Variants in COL14A1 observed in about 807,000 individuals in gnomAD.
COL14A1 encodes collagen type XIV alpha 1 chain.
Under a neutral mutation model 230.3 loss-of-function variants are expected in COL14A1, and 136 were observed. The ratio of observed to expected loss-of-function variants is 0.59; its 90% CI spans 0.51 to 0.68. The LOEUF (loss-of-function observed/expected upper bound fraction) is 0.68, where lower values mean the gene tolerates loss of function less well. Among genes scored for constraint, COL14A1 ranks in the 30% least tolerant of loss-of-function variants. The pLI is 0.00. For missense variants in COL14A1, 1,976 were observed against 2,215.8 expected (o/e 0.89, Z 2.17); for synonymous variants, 792 against 784.1 (o/e 1.01, Z -0.17).
At chr8:120,342,481 T>C (rs1440118793) in intron 44 of COL14A1, 35 bp downstream of exon 44, 4 of 1,590,242 alleles carry the variant, frequency 2.5e-6, no homozygotes, top group East Asian at 2.2e-5. Flanking sequence ...ATGTTCCCCA[T>C]AACAAACTCT....
chr8:120,283,083 A>G (rs1820088610), intron 31 of COL14A1, among the ~76,000 whole-genome samples: 1 of 152,052 alleles, frequency 6.6e-6, no homozygotes, highest in Admixed American at 6.5e-5. Flanking sequence ...AGCCAAGACA[A>G]TTTCTGAAGG....
chr8:120,360,929 G>C (rs1201970608), intron 45 of COL14A1, among the ~76,000 whole-genome samples: 1 of 152,078 alleles, frequency 6.6e-6, no homozygotes, highest in East Asian at 1.9e-4. Context: ...ACAAAGAAGG[G>C]CAAACCCCAC....
chr8:120,291,219 G>T (rs1820364535), intron 34 of COL14A1, among the ~76,000 whole-genome samples: 1 of 152,018 alleles, frequency 6.6e-6, no homozygotes, highest in South Asian at 2.1e-4. Context: ...TGGATAAATG[G>T]ATATATAGAT....
intron 5 of COL14A1, among the ~76,000 whole-genome samples, chr8:120,189,606 G>C (rs1816752218): frequency 1.3e-5 from 2 of 150,814 alleles, no homozygotes; most frequent in African/African-American, 4.9e-5. Flanking sequence ...CTAGCATTAG[G>C]TATATCTCCT....
intron 12 of COL14A1, among the ~76,000 whole-genome samples, chr8:120,211,440 G>A (rs533492880): frequency 7.5e-4 from 114 of 152,218 alleles, no homozygotes; most frequent in African/African-American, 2.6e-3. Context: ...AAACATACAG[G>A]ATCATATATT....
chr8:120,155,166 G>A (rs568095619), intron 2 of COL14A1, among the ~76,000 whole-genome samples: 1 of 152,288 alleles, frequency 6.6e-6, no homozygotes, highest in Admixed American at 6.5e-5. Flanking sequence ...GTTGCTAAAA[G>A]GTAATAATGA....
intron 40 of COL14A1, among the ~76,000 whole-genome samples, chr8:120,322,406 A>G (rs2130155694): frequency 6.6e-6 from 1 of 152,358 alleles, no homozygotes; most frequent in South Asian, 2.1e-4. Context: ...TATATGTGGT[A>G]CATATGCAAG....
intron 4 of COL14A1, 30 bp downstream of exon 4, chr8:120,162,599 C>A: frequency 6.4e-7 from 1 of 1,557,194 alleles, no homozygotes; most frequent in Non-Finnish European, 8.7e-7. Context: ...AAAGCACCTC[C>A]GCAGGACTCT....
intron 17 of COL14A1, among the ~76,000 whole-genome samples, chr8:120,227,637 C>T (rs988385765): frequency 6.6e-6 from 1 of 152,132 alleles, no homozygotes; most frequent in Non-Finnish European, 1.5e-5. Flanking sequence ...GTAGAGTAAA[C>T]ACCCATCAAA....
chr8:120,132,115 T>A (rs1814551208), intron 1 of COL14A1, among the ~76,000 whole-genome samples: 1 of 152,176 alleles, frequency 6.6e-6, no homozygotes. Flanking sequence ...CCCAAAGTGC[T>A]GGGATTACAG....
intron 5 of COL14A1, among the ~76,000 whole-genome samples, chr8:120,191,284 G>A (rs1469990533): frequency 6.6e-6 from 1 of 150,976 alleles, no homozygotes; most frequent in Non-Finnish European, 1.5e-5. Flanking sequence ...CTTTATTTCT[G>A]CCTTCATTTC....
intron 11 of COL14A1, 131 bp from the exon 12 acceptor site, chr8:120,209,625 G>A: frequency 2.3e-6 from 2 of 884,336 alleles, no homozygotes; most frequent in South Asian, 1.8e-5. Context: ...TTTAACCCAG[G>A]AACTTGCAAT....
chr8:120,226,214 G>A (rs1390558856), intron 15 of COL14A1, among the ~76,000 whole-genome samples: 1 of 151,744 alleles, frequency 6.6e-6, no homozygotes, highest in Non-Finnish European at 1.5e-5. Context: ...ATACCAGGGA[G>A]CAATTTAGCC....
At chr8:120,212,166 C>A (rs1563675037) in intron 12 of COL14A1, among the ~76,000 whole-genome samples, 1 of 152,320 alleles carries the variant, frequency 6.6e-6, no homozygotes, top group East Asian at 1.9e-4. Context: ...AGCATATACT[C>A]AACATTGTTA....
intron 5 of COL14A1, among the ~76,000 whole-genome samples, chr8:120,170,198 A>G (rs1244022868): frequency 6.6e-6 from 1 of 151,542 alleles, no homozygotes; most frequent in Non-Finnish European, 1.5e-5. Context: ...TTTATATCTA[A>G]TACTTACTTC....
intron 38 of COL14A1, among the ~76,000 whole-genome samples, chr8:120,314,377 T>G (rs28377018): frequency 0.16 from 23,636 of 152,210 alleles, 1,965 homozygotes; most frequent in African/African-American, 0.19. Context: ...AATTTAAGTT[T>G]TTTAATTATG....
Position 120,289,634 on chromosome 8 carries a change from G to C in COL14A1, c.4104G>C (p.Leu1368Phe), listed in dbSNP as rs1820309077. 6.2e-7 allele frequency: 1 copy of C among 1,613,666 alleles called. No homozygotes were observed. Among genetic ancestry groups the C allele is most frequent in the Non-Finnish European group, 8.5e-7 (1 of 1,179,892 alleles). The change falls in exon 34 of 48, where the codon TTG becomes TTC. Residue 1368 changes from leucine (L) to phenylalanine (F), a missense_variant. Leu to Phe is a conservative substitution (Grantham distance 22). Transcript: ENST00000297848. Reference sequence around the variant, plus strand: ...TACACATTGTTGTCAGTGAGACTTTGGTCAAAGTGGTTATTGACTGCAAGC... The same window carrying C: ...TACACATTGTTGTCAGTGAGACTTTCGTCAAAGTGGTTATTGACTGCAAGC... ...HKLHIVVSET[L>F]VKVVIDCKQV...
chr8:120,225,264 T>C lies in COL14A1; in HGVS notation c.1864+50T>C, dbSNP rs748703514. On this transcript the variant is annotated intron_variant, in intron 15 of 47. Transcript: ENST00000297848. Reference sequence around the variant, plus strand: ...AAAGTTTTGAGAGTAGCTATTAATATATAGAAACCAGAACCTGGAGCACCT... The same window carrying C: ...AAAGTTTTGAGAGTAGCTATTAATACATAGAAACCAGAACCTGGAGCACCT... The C allele has an allele frequency of 9.7e-6, 15 of 1,552,508 alleles. No individual in the cohort carries two copies. In the East Asian group the frequency reaches 3.4e-4, roughly 35 times the overall value.
intron 20 of COL14A1, among the ~76,000 whole-genome samples, chr8:120,244,996 T>A (rs546016172): frequency 1.3e-5 from 2 of 152,250 alleles, no homozygotes; most frequent in South Asian, 4.1e-4. Flanking sequence ...TCCCCATTCA[T>A]ACCTCCCTGT....
Sources: allele counts gnomAD v4.1 joint callset (sites outside exome capture counted in the v4.1 genomes callset), GRCh38; gene constraint gnomAD v4.1.1; transcripts MANE v1.5; gene names NCBI Gene and HGNC (gene_info 2026-07-23, HGNC 2026-07-21).